PCARE: variants seen among roughly 807,000 people sequenced by gnomAD.
PCARE encodes photoreceptor cilium actin regulator.
A neutral mutation model predicts 82.2 loss-of-function variants in PCARE; 72 were observed. That is an observed-to-expected ratio of 0.88 (90% CI 0.72 to 1.07). PCARE has a LOEUF of 1.07. Among genes scored for constraint, PCARE ranks in the 50% least tolerant of loss-of-function variants. PCARE has a pLI of 0.00. For missense variants in PCARE, 1,768 were observed against 1,592.4 expected, an observed-to-expected ratio of 1.11 and a Z score of -1.88; for synonymous variants, 705 against 634.8, an observed-to-expected ratio of 1.11 and a Z score of -1.66.
chr2:29,072,260 C>A lies in PCARE; in HGVS notation c.2002G>T (p.Ala668Ser), dbSNP rs745555899. The change falls in exon 1 of 2, where the codon GCA (alanine) becomes TCA (serine). Residue 668 changes from alanine to serine, a missense_variant. Coordinates refer to ENST00000331664, the MANE Select transcript of PCARE (RefSeq NM_001029883.3). ...SPSNTTSRLK[A>S]SLTKNFSILP... ...ATACTGAAGTTCTTGGTGAGGGATGCCTTGAGCCTGCTGGTGGTGTTGCTT... is the reference window on the plus strand; with the variant it reads ...ATACTGAAGTTCTTGGTGAGGGATGACTTGAGCCTGCTGGTGGTGTTGCTT... 2 of 1,614,114 alleles carry A rather than the reference C, an allele frequency of 1.2e-6. No homozygotes were observed. Among genetic ancestry groups the A allele is most frequent in the African/African-American group, 2.7e-5 (2 of 74,940 alleles).
Position 29,064,597 on chromosome 2 carries a change from T to G in PCARE, c.*272A>C. The G allele has an allele frequency of 1.1e-5, 6 of 548,890 alleles. No homozygotes were observed. The highest frequency in any genetic ancestry group is 3.1e-5 in the Admixed American group (1 of 31,908). 34.0% of individuals were successfully genotyped at this position (548,890 alleles called of 1,614,324 possible). ...TCTCCACCCCCCACCCCACCCCAAA[T>G]TAAGGCCAGCACTTGAAGCATTAAA... On this transcript the variant is annotated 3_prime_UTR_variant, in exon 2 of 2. Transcript: ENST00000331664.
Position 29,074,339 on chromosome 2 carries a change from T to C in PCARE, c.-78A>G. The C allele has an allele frequency of 6.9e-7, 1 of 1,450,000 alleles. No homozygotes were observed. The highest frequency in any genetic ancestry group is 1.4e-5 in the South Asian group (1 of 70,676). 89.8% of individuals were successfully genotyped at this position (1,450,000 alleles called of 1,614,324 possible). A position where few individuals can be genotyped will look rare whatever the true frequency, so the allele number is the denominator to read the frequency against. On this transcript the variant is annotated 5_prime_UTR_variant, in exon 1 of 2. Transcript: ENST00000331664. ...TATTTGAAATAGGAACAAAAGGCAA[T>C]CTTACTAGTCCATCCAGGCAATTTT... is the stretch of plus-strand genomic sequence containing the variant.
In PCARE at chr2:29,071,853, A is replaced by G; in HGVS notation, c.2409T>C (p.Pro803=). 1 of 1,614,236 alleles carries G rather than the reference A, an allele frequency of 6.2e-7. No individual in the cohort carries two copies. Among genetic ancestry groups the G allele is most frequent in the Non-Finnish European group, 8.5e-7 (1 of 1,180,044 alleles). Residue 803 remains proline, a synonymous_variant, in exon 1 of 2, where the codon CCT becomes CCC. Coordinates refer to ENST00000331664, the MANE Select transcript of PCARE (RefSeq NM_001029883.3). Reference sequence around the variant, plus strand: ...CTGCTTTAGGCAGAGGGGGAAAGATAGGTGCTAAGGGCTTCCAGCCTATGC... The same window carrying G: ...CTGCTTTAGGCAGAGGGGGAAAGATGGGTGCTAAGGGCTTCCAGCCTATGC... ...KMGIGWKPLA[P]IFPPLPKAEA...
chr2:29,065,059 T>TGG lies in PCARE; in HGVS notation c.3676_3677insCC (p.Glu1226AlafsTer89). On this transcript the variant is annotated frameshift_variant, in exon 2 of 2. Transcript: ENST00000331664. LOFTEE classifies it low-confidence loss of function (END_TRUNC). ...CTCTGTGTCCTTCTTAGGGCTCTCC[T>TGG]CGCTGCTGCTGCCGAGAGAAAGGAC... 2 of 1,525,316 alleles carry TGG rather than the reference T, an allele frequency of 1.3e-6. No individual in the cohort carries two copies. Among genetic ancestry groups the TGG allele is most frequent in the Non-Finnish European group, 8.8e-7 (1 of 1,138,924 alleles). 94.5% of individuals were successfully genotyped at this position (1,525,316 alleles called of 1,614,324 possible). A position where few individuals can be genotyped will look rare whatever the true frequency, so the allele number is the denominator to read the frequency against.
chr2:29,070,011 G>A (rs934908360), intron 1 of PCARE, among the ~76,000 whole-genome samples: 2 of 152,208 alleles, frequency 1.3e-5, no homozygotes, highest in Non-Finnish European at 2.9e-5. Flanking sequence ...ACAGGGGCAA[G>A]CCTTTTCATC....
rs981420264 is a variant in PCARE, at chr2:29,064,508, T to C, written c.*361A>G. 4.9e-6 allele frequency: 2 copies of C among 411,576 alleles called. No homozygotes were observed. The highest frequency in any genetic ancestry group is 9.0e-6 in the Non-Finnish European group (2 of 222,028). The allele number at this position is 411,576 out of a possible 1,614,324, so 25.5% of individuals were successfully genotyped here. On this transcript the variant is annotated 3_prime_UTR_variant, in exon 2 of 2. Coordinates refer to ENST00000331664, the MANE Select transcript of PCARE (RefSeq NM_001029883.3). ...ATGCTATGTGCTTCATTCACTGTTGTGAGGCTTAAGTGATCTCAAGGAATG... is the reference window on the plus strand; with the variant it reads ...ATGCTATGTGCTTCATTCACTGTTGCGAGGCTTAAGTGATCTCAAGGAATG...
In PCARE at chr2:29,074,295, C is replaced by T; in HGVS notation, c.-34G>A. 6.6e-7 allele frequency: 1 copy of T among 1,513,870 alleles called. No individual in the cohort carries two copies. The highest frequency in any genetic ancestry group is 8.8e-7 in the Non-Finnish European group (1 of 1,133,510). 93.8% of individuals were successfully genotyped at this position (1,513,870 alleles called of 1,614,324 possible). ...CTTGTAGTCATCTTCCACCCACCTTCACAATTTTCCAAGAATCATATTTGA... is the reference window on the plus strand; with the variant it reads ...CTTGTAGTCATCTTCCACCCACCTTTACAATTTTCCAAGAATCATATTTGA... On this transcript the variant is annotated 5_prime_UTR_variant, in exon 1 of 2. It removes the in-frame stop codon of an upstream open reading frame in the 5' UTR. Transcript: ENST00000331664.
rs1478188381 is a variant in PCARE at position 29,074,505 on chromosome 2, T to C, written c.-244A>G. Among the ~76,000 whole-genome samples, 2 of 152,214 alleles carry C rather than the reference T, an allele frequency of 1.3e-5. No individual in the cohort carries two copies. On this transcript the variant is annotated 5_prime_UTR_variant, in exon 1 of 2. Transcript: ENST00000331664. ...TAAGTTTGGAACCCTCTGCTGTTAG[T>C]GAGCAGCGGGACAATTCTGAAGGCT...
At chr2:29,070,098 T>G (rs1351994219) in intron 1 of PCARE, among the ~76,000 whole-genome samples, 1 of 144,596 alleles carries the variant, frequency 6.9e-6, no homozygotes, top group Admixed American at 6.9e-5. Context: ...CTATTTTATT[T>G]TTTTGAGATA....
chr2:29,072,740 T>C lies in PCARE; in HGVS notation c.1522A>G (p.Lys508Glu), dbSNP rs748202651. The C allele has an allele frequency of 1.2e-6, 2 of 1,614,082 alleles. No individual in the cohort carries two copies. Among genetic ancestry groups the C allele is most frequent in the South Asian group, 2.2e-5 (2 of 91,072 alleles). Residue 508 changes from lysine to glutamate, a missense_variant, in exon 1 of 2, where the codon AAA becomes GAA. Transcript: ENST00000331664. ...SSMSLCAWQE[K>E]TPHSRPQSSP... The stretch of plus-strand genomic sequence containing the variant: ...GATTGTGGCCTTGAATGTGGAGTTT[T>C]TTCCTGCCAGGCACACAGACTCATG...
chr2:29,071,879 C>T lies in PCARE; in HGVS notation c.2383G>A (p.Gly795Ser), dbSNP rs1482657864. ...PASGRESLKM[G>S]IGWKPLAPIF... Reference sequence around the variant, plus strand: ...GGTGCTAAGGGCTTCCAGCCTATGCCCATTTTGAGAGATTCTCTGCCTGAT... The same window carrying T: ...GGTGCTAAGGGCTTCCAGCCTATGCTCATTTTGAGAGATTCTCTGCCTGAT... Residue 795 changes from glycine (G) to serine (S), a missense_variant, in exon 1 of 2, where the codon GGC becomes AGC. By Grantham distance (56) the Gly-to-Ser change is moderately conservative. Transcript: ENST00000331664. The T allele has an allele frequency of 1.2e-6, 2 of 1,614,182 alleles. No individual in the cohort carries two copies. The highest frequency in any genetic ancestry group is 1.7e-6 in the Non-Finnish European group (2 of 1,180,026).
In PCARE at chr2:29,074,179, A is replaced by G; in HGVS notation, c.83T>C (p.Ile28Thr). 1.2e-6 allele frequency: 2 copies of G among 1,608,662 alleles called. No homozygotes were observed. Among genetic ancestry groups the G allele is most frequent in the Non-Finnish European group, 1.7e-6 (2 of 1,176,710 alleles). Reference sequence around the variant, plus strand: ...ACTTCCGCCCTGACATCCTGGCCGAATTGCTTTGGGCTTTTTCAAGAACTG... The same window carrying G: ...ACTTCCGCCCTGACATCCTGGCCGAGTTGCTTTGGGCTTTTTCAAGAACTG... ...GIQFLKKPKA[I>T]RPGCQGGSER... Residue 28 changes from isoleucine (I) to threonine (T), a missense_variant, in exon 1 of 2, where the codon ATT becomes ACT. Transcript: ENST00000331664.
rs1975713 is a variant in PCARE at position 29,064,975 on chromosome 2, G to A, written c.3761C>T (p.Pro1254Leu). 1,581 of 1,595,078 alleles carry A rather than the reference G, an allele frequency of 9.9e-4. 13 individuals carry two copies. The African/African-American group carries it at 0.019, about 19-fold the overall frequency. ...LQGGTRRASP[P>L]EFCVLGHGLQ... ...CCCGTGGCCCAGCACACAGAACTCTGGGGGAGATGCACGCCTGGTGCCGCC... is the reference window on the plus strand; with the variant it reads ...CCCGTGGCCCAGCACACAGAACTCTAGGGGAGATGCACGCCTGGTGCCGCC... The change falls in exon 2 of 2, where the codon CCA becomes CTA. Residue 1254 changes from proline to leucine, a missense_variant. Physicochemically the swap from Pro to Leu is moderately conservative, Grantham distance 98. Transcript: ENST00000331664.
Position 29,071,192 on chromosome 2 carries a change from A to C in PCARE, c.3070T>G (p.Ser1024Ala), listed in dbSNP as rs1667472049. The C allele has an allele frequency of 6.3e-7, 1 of 1,596,466 alleles. No individual in the cohort carries two copies. The highest frequency in any genetic ancestry group is 8.5e-7 in the Non-Finnish European group (1 of 1,171,626). ...SSYRPAQPSP[S>A]AVQTPPSPPV... is the part of the protein sequence containing the mutation. ...GGGCTGGGGGGCGTCTGCACAGCAG[A>C]GGGGCTTGGCTGGGCAGGTCTGTAA... The change falls in exon 1 of 2, where the codon TCT (serine) becomes GCT (alanine). Residue 1024 changes from serine to alanine, a missense_variant. Ser to Ala is a moderately conservative substitution (Grantham distance 99). Coordinates refer to ENST00000331664, the MANE Select transcript of PCARE (RefSeq NM_001029883.3).
chr2:29,069,124 G>A (rs116723320), intron 1 of PCARE, among the ~76,000 whole-genome samples: 2,683 of 152,230 alleles, frequency 0.018, 75 homozygotes, highest in African/African-American at 0.061. Flanking sequence ...CTGAGAATCC[G>A]GTCATCTTAT....
rs931799277 is a variant in PCARE at position 29,063,624 on chromosome 2, C to A, written c.*1245G>T. 2.0e-5 allele frequency: 3 copies of A among 152,628 alleles called. No individual in the cohort carries two copies. Among genetic ancestry groups the A allele is most frequent in the African/African-American group, 7.2e-5 (3 of 41,452 alleles). 9.5% of individuals were successfully genotyped at this position (152,628 alleles called of 1,614,324 possible). A position where few individuals can be genotyped will look rare whatever the true frequency, so the allele number is the denominator to read the frequency against. On this transcript the variant is annotated 3_prime_UTR_variant, in exon 2 of 2. Transcript: ENST00000331664. Reference sequence around the variant, plus strand: ...TCTGGAGGATCGTCCCTTTGCTGTACCCCAGTGGGTAAGAATTCTTGTCTT... The same window carrying A: ...TCTGGAGGATCGTCCCTTTGCTGTAACCCAGTGGGTAAGAATTCTTGTCTT...
In PCARE at chr2:29,071,951, A is replaced by G. The variant is rs756596110; in HGVS notation, c.2311T>C (p.Tyr771His). 6.2e-7 allele frequency: 1 copy of G among 1,614,112 alleles called. No individual in the cohort carries two copies. Among genetic ancestry groups the G allele is most frequent in the South Asian group, 1.1e-5 (1 of 91,074 alleles). The change falls in exon 1 of 2, where the codon TAC becomes CAC. Residue 771 changes from tyrosine (Y) to histidine (H), a missense_variant. Transcript: ENST00000331664. ...GGATACAAAGGGGCAAGCCCTGTGT[A>G]CTTGGGAAATCTGGGGGGCATGATG... is the stretch of plus-strand genomic sequence containing the variant. ...NCIMPPRFPK[Y>H]TGLAPLYPKP... is the part of the protein sequence containing the mutation.
Position 29,071,466 on chromosome 2 carries a change from TTGGCTGG to T in PCARE, c.2789_2795del (p.Thr930LysfsTer5), listed in dbSNP as rs761147595. On this transcript the variant is annotated frameshift_variant, in exon 1 of 2. Transcript: ENST00000331664. LOFTEE classifies it high-confidence loss of function. ...AAGTCCCACCCTTCACCTCGGGGCTTTGGCTGGTGGCTGGTGGGCTGCTCAGGTCCAG... is the reference window on the plus strand; with the variant it reads ...AAGTCCCACCCTTCACCTCGGGGCTTTGGCTGGTGGGCTGCTCAGGTCCAG... 2.5e-6 allele frequency: 4 copies of T among 1,612,396 alleles called. No individual in the cohort carries two copies. The highest frequency in any genetic ancestry group is 3.3e-5 in the Admixed American group (2 of 60,026).
intron 1 of PCARE, among the ~76,000 whole-genome samples, chr2:29,067,477 C>T (rs114357479): frequency 0.017 from 2,571 of 152,154 alleles, 66 homozygotes; most frequent in African/African-American, 0.059. Flanking sequence ...GGAATGGTTG[C>T]GAGTCATTAT....
Sources: gnomAD v4.1 joint callset for allele counts (sites outside exome capture counted in the v4.1 genomes callset) on GRCh38, gnomAD v4.1.1 for gene constraint, MANE v1.5 for transcripts, NCBI Gene and HGNC (gene_info 2026-07-23, HGNC 2026-07-21) for gene names.